The following PDXDC1 variants were observed in gnomAD, a reference collection of about 807,000 sequenced individuals.
The protein encoded by PDXDC1 is pyridoxal-dependent decarboxylase domain-containing protein 1.
A neutral mutation model predicts 100.1 loss-of-function variants in PDXDC1; 42 were observed. The ratio of observed to expected loss-of-function variants is 0.42; its 90% CI spans 0.33 to 0.54. The LOEUF (loss-of-function observed/expected upper bound fraction) is 0.54. Among genes scored for constraint, PDXDC1 ranks in the 20% least tolerant of loss-of-function variants. The pLI is 0.10. For missense variants in PDXDC1, 636 were observed against 979.2 expected, an observed-to-expected ratio of 0.65 and a Z score of 4.68; for synonymous variants, 260 against 371.7, an observed-to-expected ratio of 0.70 and a Z score of 3.46.
chr16:15,145,259 T>C, the PDXDC1 span, among the ~76,000 whole-genome samples: 17 of 152,294 alleles, frequency 1.1e-4, no homozygotes, highest in African/African-American at 4.1e-4. Flanking sequence ...GCAGCACAGA[T>C]CCAGCGGGGC....
intron 16 of PDXDC1, chr16:15,125,617 A>G: frequency 2.6e-6 from 3 of 1,167,902 alleles, no homozygotes; most frequent in Non-Finnish European, 2.6e-6. Context: ...AGAGGTGCAC[A>G]GTGTCTGGAG....
At chr16:15,128,392 G>A (rs1417647925) in intron 16 of PDXDC1, 1 of 1,547,334 alleles carries the variant, frequency 6.5e-7, no homozygotes, top group Non-Finnish European at 8.9e-7. Flanking sequence ...CGTGGTACCT[G>A]GAGGGCAAGA....
chr16:15,110,432 C>T (rs62039528), intron 16 of PDXDC1: 1,008,944 of 1,569,558 alleles, frequency 0.64, 351,241 homozygotes, highest in Admixed American at 0.7. Flanking sequence ...GGCGGTCTTC[C>T]TCTTTCCATT....
chr16:15,056,075 G>T (rs1453596764), intron 16 of PDXDC1: 9 of 350,798 alleles, frequency 2.6e-5, no homozygotes, highest in Non-Finnish European at 3.7e-5. Context: ...GTCCCGCCTC[G>T]TCCTGCCCCG....
intron 16 of PDXDC1, chr16:15,047,743 G>C: frequency 9.9e-7 from 1 of 1,014,012 alleles, no homozygotes; most frequent in East Asian, 2.4e-5. Flanking sequence ...CAGAAAAAAG[G>C]TAAGCGGAGT....
chr16:15,133,940 C>G (rs111697233), intron 16 of PDXDC1: 28 of 1,439,872 alleles, frequency 1.9e-5, no homozygotes, highest in Non-Finnish European at 5.7e-6. Context: ...CCAGCACCGT[C>G]AGCGTGAAGG....
At chr16:15,008,921 T>C (rs1472548845) in intron 7 of PDXDC1, 74 bp downstream of exon 7, 2 of 1,428,334 alleles carry the variant, frequency 1.4e-6, no homozygotes, top group Middle Eastern at 1.8e-4. Flanking sequence ...AAGTTCTTTT[T>C]GCTGGCCTCC....
At chr16:15,025,055 T>C (rs1279645254) in intron 13 of PDXDC1, among the ~76,000 whole-genome samples, 6 of 152,304 alleles carry the variant, frequency 3.9e-5, no homozygotes, top group African/African-American at 1.4e-4. Context: ...TCCTCTTCTT[T>C]GTGGATTCAC....
At chr16:14,987,234 A>G (rs1366336882) in intron 1 of PDXDC1, among the ~76,000 whole-genome samples, 2 of 152,294 alleles carry the variant, frequency 1.3e-5, no homozygotes, top group African/African-American at 2.4e-5. Flanking sequence ...AATCTTTAAA[A>G]TTAAACCTTA....
At position 15,083,557 on chromosome 16, in the gene PDXDC1, G is replaced by C. The variant is rs1276314657; in HGVS notation, c.1399+53501G>C. 37 of 1,609,070 alleles carry C rather than the reference G, an allele frequency of 2.3e-5. No individual in the cohort carries two copies. The highest frequency in any genetic ancestry group is 1.1e-4 in the African/African-American group (8 of 74,566). ...CGAACAAATGGAAATTTTTCCACCA[G>C]TATTGGCATGAGAAACCACGGTGTC... is the stretch of plus-strand genomic sequence containing the variant. On this transcript the variant is annotated intron_variant, in intron 16 of 16. Coordinates refer to the PDXDC1 transcript ENST00000535621.
At chr16:15,021,275 G>A (rs2042182867) in intron 12 of PDXDC1, among the ~76,000 whole-genome samples, 1 of 152,250 alleles carries the variant, frequency 6.6e-6, no homozygotes, top group African/African-American at 2.4e-5. Flanking sequence ...TACTCAGGAG[G>A]CTGAGGTGGG....
Position 15,091,182 on chromosome 16 carries a change from G to A in PDXDC1, c.1400-47697G>A. On this transcript the variant is annotated intron_variant, in intron 16 of 16. Transcript: ENST00000535621. ...AGGGGGTAAAACTGTCCCTGGTTGA[G>A]AACCACCAGATTAAAATAAGGGAGG... 3.1e-6 allele frequency: 3 copies of A among 979,968 alleles called. No individual in the cohort carries two copies. In the South Asian group the frequency reaches 5.2e-5, roughly 17 times the overall value. 60.7% of individuals were successfully genotyped at this position (979,968 alleles called of 1,614,324 possible). A position where few individuals can be genotyped will look rare whatever the true frequency, so the allele number is the denominator to read the frequency against.
chr16:15,087,707 G>A (rs1377469425), intron 16 of PDXDC1, among the ~76,000 whole-genome samples: 1 of 152,124 alleles, frequency 6.6e-6, no homozygotes, highest in Admixed American at 6.5e-5. Context: ...AAGGCCAAAG[G>A]CATGTAGAAA....
At chr16:15,137,359 G>A in intron 16 of PDXDC1, 4 of 1,516,514 alleles carry the variant, frequency 2.6e-6, no homozygotes, top group African/African-American at 1.4e-5. Flanking sequence ...AGGCACTAGA[G>A]GGCTGGGCCG....
chr16:15,143,779 A>G (rs1157440981), downstream of PDXDC1, among the ~76,000 whole-genome samples: 2 of 152,170 alleles, frequency 1.3e-5, no homozygotes, highest in African/African-American at 4.8e-5. Context: ...GACAAACCAG[A>G]CCTGCCTCAG....
chr16:15,130,459 G>A (rs927570839), intron 16 of PDXDC1: 5 of 1,434,114 alleles, frequency 3.5e-6, no homozygotes, highest in African/African-American at 2.8e-5. Context: ...CTGGTCCTGG[G>A]CAGGGAAGGG....
At position 15,036,071 on chromosome 16, in the gene PDXDC1, CTCAG is replaced by C. The variant is rs754258781; in HGVS notation, c.2171_2174del (p.Ser724ThrfsTer5). 5.6e-6 allele frequency: 9 copies of C among 1,614,124 alleles called. No individual in the cohort carries two copies. Among genetic ancestry groups the C allele is most frequent in the Middle Eastern group, 1.6e-4 (1 of 6,062 alleles). On this transcript the variant is annotated frameshift_variant, in exon 23 of 23. Transcript: ENST00000396410. LOFTEE classifies it low-confidence loss of function (END_TRUNC). Reference sequence around the variant, plus strand: ...GTTCAGATGCTTTGAGTGAGACCAGCTCAGTCAGTCACATTGAAGACTTAGAAAA... The same window carrying C: ...GTTCAGATGCTTTGAGTGAGACCAGCTCAGTCACATTGAAGACTTAGAAAA...
At chr16:15,072,873 T>G in intron 16 of PDXDC1, 1 of 1,446,976 alleles carries the variant, frequency 6.9e-7, no homozygotes, top group Non-Finnish European at 9.6e-7. Flanking sequence ...ATGGTCTCCG[T>G]CCACCCCAGT....
At chr16:15,078,473 T>A (rs1271441255) in intron 16 of PDXDC1, among the ~76,000 whole-genome samples, 1 of 152,202 alleles carries the variant, frequency 6.6e-6, no homozygotes, top group East Asian at 1.9e-4. Context: ...TTCACTGACA[T>A]GGTCCTCCAG....
Sources: gnomAD v4.1 joint callset for allele counts (sites outside exome capture counted in the v4.1 genomes callset) on GRCh38, gnomAD v4.1.1 for gene constraint, MANE v1.5 for transcripts, NCBI Gene and HGNC (gene_info 2026-07-23, HGNC 2026-07-21) for gene names.